Variants in TMEM38B observed in about 807,000 individuals in gnomAD.
The protein encoded by TMEM38B is transmembrane protein 38B, also known as trimeric intracellular cation channel type B.
In TMEM38B, 24 loss-of-function variants were observed where a neutral mutation model predicts 28.7. That is an observed-to-expected ratio of 0.84 (90% confidence interval 0.61 to 1.18). TMEM38B has a LOEUF of 1.18. Among genes scored for constraint, TMEM38B ranks in the 50% most tolerant of loss-of-function variants. TMEM38B has a pLI of 0.00. For synonymous variants in TMEM38B, 131 were observed against 127.7 expected (o/e 1.03, Z -0.17); for missense variants, 380 against 350.9 (o/e 1.08, Z -0.66).
intron 1 of TMEM38B, chr9:105,700,920 A>C (rs1242398952): frequency 6.6e-6 from 1 of 152,072 alleles, no homozygotes; most frequent in African/African-American, 2.4e-5. Context: ...CCCCTTTGTT[A>C]CATGATTTAA....
At chr9:105,708,891 A>C (rs955238842) in intron 2 of TMEM38B, among the ~76,000 whole-genome samples, 2 of 151,596 alleles carry the variant, frequency 1.3e-5, no homozygotes, top group African/African-American at 4.8e-5. Flanking sequence ...TACTGGAATA[A>C]TAGCCCATCA....
intron 5 of TMEM38B, among the ~76,000 whole-genome samples, chr9:105,771,396 C>T (rs1164217954): frequency 6.6e-6 from 1 of 152,172 alleles, no homozygotes; most frequent in East Asian, 1.9e-4. Flanking sequence ...TACTTCTCAA[C>T]TGAGTGATGA....
At chr9:105,695,967 AT>A (rs1191242002) in intron 1 of TMEM38B, among the ~76,000 whole-genome samples, 1 of 151,900 alleles carries the variant, frequency 6.6e-6, no homozygotes, top group African/African-American at 2.4e-5. Context: ...GATTAAAAAA[AT>A]TTTTTTTTGT....
At chr9:105,724,809 G>C (rs1339793699) in intron 4 of TMEM38B, among the ~76,000 whole-genome samples, 1 of 152,116 alleles carries the variant, frequency 6.6e-6, no homozygotes, top group South Asian at 2.1e-4. Flanking sequence ...TTGATATTCA[G>C]GGGAGATTTT....
chr9:105,700,947 T>C (rs1022537361), intron 1 of TMEM38B: 5 of 152,038 alleles, frequency 3.3e-5, no homozygotes, highest in African/African-American at 1.2e-4. Context: ...AGAGGCCATG[T>C]GCACGGGTTC....
chr9:105,704,157 C>T (rs944575619), intron 1 of TMEM38B, among the ~76,000 whole-genome samples: 16 of 151,946 alleles, frequency 1.1e-4, no homozygotes, highest in South Asian at 2.1e-4. Flanking sequence ...GGGTTCAGTG[C>T]GCCAGCATGG....
intron 5 of TMEM38B, among the ~76,000 whole-genome samples, chr9:105,763,398 C>T (rs1375054820): frequency 2.0e-5 from 3 of 152,048 alleles, no homozygotes; most frequent in Non-Finnish European, 2.9e-5. Context: ...TTAGGTCTAA[C>T]GTTTAGCACC....
intron 5 of TMEM38B, chr9:105,760,154 A>T (rs1347037384): frequency 1.1e-6 from 1 of 885,826 alleles, no homozygotes; most frequent in East Asian, 2.4e-5. Flanking sequence ...CCGCCACCAA[A>T]TTGTAGAAAG....
At chr9:105,705,856 A>C in intron 2 of TMEM38B, 103 bp downstream of exon 2, 1 of 1,267,252 alleles carries the variant, frequency 7.9e-7, no homozygotes, top group Non-Finnish European at 1.1e-6. Flanking sequence ...TACGTGCTTG[A>C]AAAGTTAATG....
intron 5 of TMEM38B, among the ~76,000 whole-genome samples, chr9:105,752,983 G>A (rs983724903): frequency 6.6e-6 from 1 of 152,194 alleles, no homozygotes; most frequent in African/African-American, 2.4e-5. Flanking sequence ...TAATTGACCT[G>A]ATGGAACTGG....
chr9:105,694,700 C>G lies in TMEM38B; in HGVS notation c.40C>G (p.Arg14Gly), dbSNP rs150109643. 23 of 1,613,896 alleles carry G rather than the reference C, an allele frequency of 1.4e-5. No homozygotes were observed. The South Asian group carries it at 2.1e-4, about 15-fold the overall frequency. Residue 14 changes from arginine to glycine, a missense_variant, in exon 1 of 6, where the codon CGC becomes GGC. Transcript: ENST00000374692. The part of the protein sequence containing the change: ...PWDELALAFS[R>G]TSMFPFFDIA... ...GGACGAGTTGGCTCTGGCCTTCTCC[C>G]GCACGTCCATGTTTCCCTTTTTTGA...
chr9:105,748,209 T>C lies in TMEM38B; in HGVS notation c.660+19T>C, dbSNP rs1459112792. 6.5e-7 allele frequency: 1 copy of C among 1,541,090 alleles called. No homozygotes were observed. The highest frequency in any genetic ancestry group is 1.7e-5 in the Admixed American group (1 of 59,472). On this transcript the variant is annotated intron_variant, in intron 5 of 5. Coordinates refer to ENST00000374692, the MANE Select transcript of TMEM38B (RefSeq NM_018112.3). ...CACAAAGGTAAGAATTCAAAGTACC[T>C]ATAATTATTACAAATCCTGTATAAC...
At chr9:105,759,917 T>C (rs1588467090) in intron 5 of TMEM38B, 1 of 1,596,718 alleles carries the variant, frequency 6.3e-7, no homozygotes, top group East Asian at 2.2e-5. Flanking sequence ...GAAATGATCA[T>C]GAAACCAAAT....
intron 2 of TMEM38B, among the ~76,000 whole-genome samples, chr9:105,709,956 A>G (rs977658212): frequency 6.6e-6 from 1 of 152,234 alleles, no homozygotes; most frequent in Admixed American, 6.5e-5. Context: ...CTAGTTTCCA[A>G]TAATTTATTA....
chr9:105,706,457 C>G (rs1016663316), intron 2 of TMEM38B, among the ~76,000 whole-genome samples: 2 of 152,120 alleles, frequency 1.3e-5, no homozygotes, highest in African/African-American at 4.8e-5. Context: ...GGATTTACCT[C>G]CAAAAAGCTG....
chr9:105,726,832 G>T (rs1836535928), intron 4 of TMEM38B, among the ~76,000 whole-genome samples: 1 of 151,918 alleles, frequency 6.6e-6, no homozygotes, highest in Admixed American at 6.6e-5. Context: ...TTAGGTCTAT[G>T]ATTTTATTAT....
At chr9:105,718,479 C>T (rs1437883822) in intron 2 of TMEM38B, among the ~76,000 whole-genome samples, 1 of 152,120 alleles carries the variant, frequency 6.6e-6, no homozygotes, top group African/African-American at 2.4e-5. Context: ...ACCTCGTGAT[C>T]CTCCCGCCTT....
intron 2 of TMEM38B, 56 bp from the exon 3 acceptor site, chr9:105,721,481 A>C: frequency 7.8e-7 from 1 of 1,280,616 alleles, no homozygotes; most frequent in Non-Finnish European, 1.0e-6. Flanking sequence ...GTTAGATTTT[A>C]ATTTCTGTTC....
intron 1 of TMEM38B, among the ~76,000 whole-genome samples, chr9:105,704,374 G>A (rs530662063): frequency 6.6e-6 from 1 of 152,248 alleles, no homozygotes; most frequent in South Asian, 2.1e-4. Flanking sequence ...TCCAGCCTTG[G>A]CAACAGAGCG....
Sources: gnomAD v4.1 joint callset for allele counts (sites outside exome capture counted in the v4.1 genomes callset) on GRCh38, gnomAD v4.1.1 for gene constraint, MANE v1.5 for transcripts, NCBI Gene and HGNC (gene_info 2026-07-23, HGNC 2026-07-21) for gene names.